PLIN3: variants seen among roughly 807,000 people sequenced by gnomAD.
The protein encoded by PLIN3 is perilipin-3.
A neutral mutation model predicts 35.9 loss-of-function variants in PLIN3; 30 were observed. That is an observed-to-expected ratio of 0.84 (90% CI 0.62 to 1.13). PLIN3 has a LOEUF of 1.13. PLIN3 is among the 50% of genes most tolerant of loss of function. PLIN3 has a pLI of 0.00. For missense variants in PLIN3, 603 were observed against 596.9 expected, an observed-to-expected ratio of 1.01 and a Z score of -0.11; for synonymous variants, 261 against 262.5, an observed-to-expected ratio of 0.99 and a Z score of 0.06.
intron 4 of PLIN3, among the ~76,000 whole-genome samples, chr19:4,853,339 T>C (rs1311178038): frequency 6.6e-6 from 1 of 151,916 alleles, no homozygotes; most frequent in African/African-American, 2.4e-5. Context: ...TTATTAATTT[T>C]TTTGAGGCGG....
At chr19:4,864,133 GTGTGTGTGTGTGTGTGT>G (rs2030768384) in intron 1 of PLIN3, among the ~76,000 whole-genome samples, 8 of 105,874 alleles carry the variant, frequency 7.6e-5, no homozygotes, top group Non-Finnish European at 1.0e-4. Context: ...GTGTGTGTGT[GTGTGTGTGTGTGTGTGT>G]GGTTTTGTTT....
At chr19:4,851,936 C>G in intron 5 of PLIN3, 80 bp downstream of exon 5, 4 of 1,448,422 alleles carry the variant, frequency 2.8e-6, no homozygotes, top group Non-Finnish European at 3.7e-6. Context: ...AGTGTCGGCA[C>G]AGACCCCAGG....
chr19:4,843,492 A>G (rs1347223375), intron 7 of PLIN3, among the ~76,000 whole-genome samples: 2 of 144,700 alleles, frequency 1.4e-5, no homozygotes, highest in East Asian at 4.0e-4. Flanking sequence ...TGGGTGACAG[A>G]GCGAGACTCC....
intron 4 of PLIN3, among the ~76,000 whole-genome samples, chr19:4,858,701 G>GTTTTTT (rs1238404775): frequency 1.3e-5 from 1 of 78,184 alleles, no homozygotes; most frequent in African/African-American, 4.4e-5. Context: ...TGTTTTTTTG[G>GTTTTTT]TTTTTTTTTT....
Position 4,854,717 on chromosome 19 carries a change from A to C in PLIN3, c.349-2416T>G, listed in dbSNP as rs573136141. Among the ~76,000 whole-genome samples, 34 of 152,104 alleles carry C rather than the reference A, an allele frequency of 2.2e-4. No individual in the cohort carries two copies. The South Asian group carries it at 6.2e-3, about 28-fold the overall frequency. On this transcript the variant is annotated intron_variant, in intron 4 of 7. Coordinates refer to ENST00000221957, the MANE Select transcript of PLIN3 (RefSeq NM_005817.5). ...CCCGGATTAAAATCTAGCTCTGACA[A>C]CACCACCGTCCCCCAGAACCTGGGG... is the stretch of plus-strand genomic sequence containing the variant.
At position 4,858,701 on chromosome 19, in the gene PLIN3, G is replaced by GTTT. The variant is rs1238404775; in HGVS notation, c.348+886_348+888dup. Among the ~76,000 whole-genome samples, 210 of 78,158 alleles carry GTTT rather than the reference G, an allele frequency of 2.7e-3. 1 individual carries two copies. The highest frequency in any genetic ancestry group is 6.8e-3 in the African/African-American group (157 of 22,992). The allele number at this position is 78,158 out of a possible 152,430, so 51.3% of individuals were successfully genotyped here. A position where few individuals can be genotyped will look rare whatever the true frequency, so the allele number is the denominator to read the frequency against. On this transcript the variant is annotated intron_variant, in intron 4 of 7. Coordinates refer to ENST00000221957, the MANE Select transcript of PLIN3 (RefSeq NM_005817.5). ...CTGGCCAGAATATGGTGTTTTTTTG[G>GTTT]TTTTTTTTTTTTTTTTTGAGATGGA...
chr19:4,854,418 T>TG (rs147712260), intron 4 of PLIN3, among the ~76,000 whole-genome samples: 37,448 of 150,898 alleles, frequency 0.25, 5,038 homozygotes, highest in East Asian at 0.46. Context: ...TTTTTGTTTT[T>TG]TTTTACAGAG....
intron 4 of PLIN3, among the ~76,000 whole-genome samples, chr19:4,855,276 C>T (rs900379456): frequency 2.1e-5 from 2 of 93,360 alleles, no homozygotes; most frequent in African/African-American, 8.2e-5. Flanking sequence ...AAAAAAAAAG[C>T]TCCCAGCTGC....
At chr19:4,861,251 A>G in intron 2 of PLIN3, 78 bp downstream of exon 2, 1 of 1,310,812 alleles carries the variant, frequency 7.6e-7, no homozygotes, top group Non-Finnish European at 1.1e-6. Context: ...GCTCCCTGCC[A>G]GGGCACCCTG....
chr19:4,861,395 G>C lies in PLIN3; in HGVS notation c.-1C>G, dbSNP rs2030671789. 6.2e-7 allele frequency: 1 copy of C among 1,611,980 alleles called. No individual in the cohort carries two copies. ...CAGCCTCTGCCCCGTCGGCAGACAT[G>C]GTCTCTGCAGCAGACGCTGAGGAGA... On this transcript the variant is annotated 5_prime_UTR_variant, in exon 2 of 8. Transcript: ENST00000221957.
At chr19:4,842,089 G>A (rs1043886545) in intron 7 of PLIN3, among the ~76,000 whole-genome samples, 6 of 151,598 alleles carry the variant, frequency 4.0e-5, no homozygotes, top group African/African-American at 1.2e-4. Flanking sequence ...GACAGGGTTC[G>A]AGACCAGCCT....
chr19:4,847,648 G>T, intron 6 of PLIN3, 43 bp downstream of exon 6: 1 of 1,516,934 alleles, frequency 6.6e-7, no homozygotes, highest in East Asian at 2.4e-5. Context: ...CTGCTGCGGG[G>T]TGAAGGCTGC....
At chr19:4,847,578 G>A in intron 6 of PLIN3, 113 bp downstream of exon 6, 1 of 865,098 alleles carries the variant, frequency 1.2e-6, no homozygotes, top group Non-Finnish European at 1.8e-6. Flanking sequence ...GAGCAAGCGG[G>A]AATGGCCCTG....
intron 6 of PLIN3, among the ~76,000 whole-genome samples, chr19:4,845,918 T>C (rs1351572792): frequency 1.0e-5 from 1 of 100,338 alleles, no homozygotes; most frequent in Non-Finnish European, 1.9e-5. Context: ...AGAGCGAGAC[T>C]CCGTCTCAAA....
chr19:4,859,542 C>CAGGT, intron 4 of PLIN3, 48 bp downstream of exon 4: 3 of 1,514,100 alleles, frequency 2.0e-6, no homozygotes, highest in Non-Finnish European at 1.8e-6. Context: ...ACTCCACACC[C>CAGGT]AGGTAGGTCC....
intron 5 of PLIN3, 95 bp from the exon 6 acceptor site, chr19:4,847,985 A>G: frequency 1.2e-6 from 1 of 828,314 alleles, no homozygotes; most frequent in Non-Finnish European, 1.9e-6. Flanking sequence ...TGTCCAGTTT[A>G]TTTATTTATT....
chr19:4,847,137 C>T (rs2030125708), intron 6 of PLIN3, among the ~76,000 whole-genome samples: 1 of 152,002 alleles, frequency 6.6e-6, no homozygotes, highest in African/African-American at 2.4e-5. Flanking sequence ...ATCCACCCGC[C>T]TCAGCCTCCC....
rs145619300 is a variant in PLIN3, at chr19:4,845,304, T to C, written c.835-511A>G. Among the ~76,000 whole-genome samples, 1,060 of 152,142 alleles carry C rather than the reference T, an allele frequency of 7.0e-3. 12 individuals are homozygous for C. The highest frequency in any genetic ancestry group is 0.017 in the Admixed American group (255 of 15,248). On this transcript the variant is annotated intron_variant, in intron 6 of 7. Coordinates refer to ENST00000221957, the MANE Select transcript of PLIN3 (RefSeq NM_005817.5). ...AGCCAGGTGTGGTGGTGCACATCTG[T>C]AGTCCCAGCTACTCAGGAGGCTGAG...
In PLIN3 at chr19:4,859,895, C is replaced by G; in HGVS notation, c.196G>C (p.Gly66Arg). ...GCAGCCGCCGTGAGGGTCCTCACTC[C>G]CTTCTCTGCTGCGTCGCAGACAGTC... ...IKTVCDAAEKGVRTLTAAAVS... is the reference protein window; with the variant it reads ...IKTVCDAAEKRVRTLTAAAVS... Residue 66 changes from glycine to arginine, a missense_variant, in exon 3 of 8, where the codon GGA becomes CGA. Coordinates refer to ENST00000221957, the MANE Select transcript of PLIN3 (RefSeq NM_005817.5). 2 of 1,613,866 alleles carry G rather than the reference C, an allele frequency of 1.2e-6. No individual in the cohort carries two copies.
Sources: allele counts gnomAD v4.1 joint callset (sites outside exome capture counted in the v4.1 genomes callset), GRCh38; gene constraint gnomAD v4.1.1; transcripts MANE v1.5; gene names NCBI Gene and HGNC (gene_info 2026-07-23, HGNC 2026-07-21).